The following SVOPL variants were observed in gnomAD, a reference collection of about 807,000 sequenced individuals.
SVOPL encodes the protein putative transporter SVOPL.
Under a neutral mutation model 61.0 loss-of-function variants are expected in SVOPL, and 60 were observed. The ratio of observed to expected loss-of-function variants is 0.98; its 90% CI spans 0.80 to 1.22. The LOEUF (loss-of-function observed/expected upper bound fraction) is 1.22, where lower values mean the gene tolerates loss of function less well. Ranked by LOEUF, SVOPL falls within the 50% of genes most tolerant of loss-of-function variation. The pLI, the probability that SVOPL is intolerant of heterozygous loss-of-function variation, is 0.00. For synonymous variants in SVOPL, 279 were observed against 250.0 expected (o/e 1.12, Z -1.09); for missense variants, 662 against 643.9 (o/e 1.03, Z -0.30).
intron 9 of SVOPL, among the ~76,000 whole-genome samples, chr7:138,634,078 G>T (rs575089198): frequency 5.9e-5 from 9 of 152,192 alleles, no homozygotes; most frequent in Admixed American, 4.6e-4. Context: ...CCCTAGCAAG[G>T]TTGTGTACTA....
At chr7:138,667,932 A>T (rs1802314594) in intron 4 of SVOPL, among the ~76,000 whole-genome samples, 1 of 152,236 alleles carries the variant, frequency 6.6e-6, no homozygotes, top group Non-Finnish European at 1.5e-5. Context: ...CTTCTTGGCT[A>T]GGACTAGACT....
At chr7:138,645,455 C>T (rs1318318256) in intron 8 of SVOPL, among the ~76,000 whole-genome samples, 1 of 152,162 alleles carries the variant, frequency 6.6e-6, no homozygotes, top group Non-Finnish European at 1.5e-5. Flanking sequence ...CAGCACCTGG[C>T]CCCACATTCC....
chr7:138,648,448 T>C (rs1355092760), intron 8 of SVOPL, among the ~76,000 whole-genome samples: 1 of 141,670 alleles, frequency 7.1e-6, no homozygotes, highest in Non-Finnish European at 1.5e-5. Context: ...TCTCTGCTAA[T>C]AATAGCACTT....
chr7:138,686,569 T>C (rs1382772566), intron 1 of SVOPL, among the ~76,000 whole-genome samples: 1 of 148,586 alleles, frequency 6.7e-6, no homozygotes, highest in Non-Finnish European at 1.5e-5. Flanking sequence ...TGGGTTTTTT[T>C]TTTTTTTTTT....
Position 138,646,360 on chromosome 7 carries a change from TAC to T in SVOPL, c.661-1517_661-1516del, listed in dbSNP as rs1187297061. ...CTTGATGTCTACAATATCACCTTCT[TAC>T]AGATTCATAGGTATGTGGCCAAAGG... On this transcript the variant is annotated intron_variant, in intron 8 of 15. Coordinates refer to ENST00000674285, the MANE Select transcript of SVOPL (RefSeq NM_001139456.2). 4 of 187,582 alleles carry T rather than the reference TAC, an allele frequency of 2.1e-5. No individual in the cohort carries two copies. The East Asian group carries it at 5.2e-4, about 25-fold the overall frequency. 11.6% of individuals were successfully genotyped at this position (187,582 alleles called of 1,614,324 possible).
chr7:138,595,371 A>G, intron 15 of SVOPL, among the ~76,000 whole-genome samples: 1 of 152,184 alleles, frequency 6.6e-6, no homozygotes, highest in Admixed American at 6.6e-5. Flanking sequence ...ACATGTAGCC[A>G]GTTAGCCCAG....
intron 9 of SVOPL, among the ~76,000 whole-genome samples, chr7:138,640,658 C>A (rs563016817): frequency 2.6e-5 from 4 of 152,230 alleles, no homozygotes; most frequent in Non-Finnish European, 5.9e-5. Flanking sequence ...AAAATTAATG[C>A]AGGAACAGAA....
chr7:138,626,373 T>C (rs1584798455), intron 12 of SVOPL, among the ~76,000 whole-genome samples: 1 of 151,364 alleles, frequency 6.6e-6, no homozygotes, highest in Admixed American at 6.6e-5. Context: ...AGGCCAGGAG[T>C]TCAAGACTAG....
chr7:138,621,814 G>GTCTC (rs1799578827), intron 13 of SVOPL, among the ~76,000 whole-genome samples: 1 of 43,152 alleles, frequency 2.3e-5, no homozygotes, highest in Non-Finnish European at 4.7e-5. Flanking sequence ...ATCTATCTAT[G>GTCTC]TATCTATGTA....
chr7:138,597,097 C>T, intron 14 of SVOPL: 1 of 1,253,626 alleles, frequency 8.0e-7, no homozygotes, highest in Non-Finnish European at 1.0e-6. Context: ...TCCATCTGTA[C>T]ACATGCTTTG....
At chr7:138,661,044 CTTT>C (rs1801979384) in intron 5 of SVOPL, 7 of 984,408 alleles carry the variant, frequency 7.1e-6, no homozygotes, top group Non-Finnish European at 7.2e-6. Context: ...CCTTTTTGTG[CTTT>C]TTTGAGATAC....
intron 3 of SVOPL, among the ~76,000 whole-genome samples, chr7:138,676,404 G>A (rs556260080): frequency 2.0e-5 from 3 of 152,314 alleles, no homozygotes; most frequent in Non-Finnish European, 2.9e-5. Flanking sequence ...AGGTTCTGCT[G>A]CCCGGAGAGG....
intron 15 of SVOPL, among the ~76,000 whole-genome samples, 198 bp downstream of exon 15, chr7:138,596,219 G>GGGAA (rs1379945373): frequency 2.0e-5 from 3 of 148,802 alleles, no homozygotes; most frequent in African/African-American, 7.3e-5. Flanking sequence ...AAAGAAAAGT[G>GGGAA]GGAAGGATAG....
chr7:138,622,078 C>CTATCTATGTATCTATCTATCTATGTATT (rs1563096122), intron 13 of SVOPL, among the ~76,000 whole-genome samples: 5 of 87,450 alleles, frequency 5.7e-5, no homozygotes, highest in African/African-American at 2.8e-4. Flanking sequence ...ATGTATCTAT[C>CTATCTATGTATCTATCTATCTATGTATT]TATCTATCTA....
intron 9 of SVOPL, among the ~76,000 whole-genome samples, chr7:138,642,755 A>G (rs1157159992): frequency 2.0e-5 from 3 of 150,476 alleles, no homozygotes; most frequent in Non-Finnish European, 4.4e-5. Flanking sequence ...ACTTGAACCC[A>G]GGAGGCAGAG....
chr7:138,611,506 T>C (rs1673221), intron 14 of SVOPL, among the ~76,000 whole-genome samples: 92,391 of 152,046 alleles, frequency 0.61, 29,237 homozygotes, highest in East Asian at 0.99. Context: ...AATAAGTTCA[T>C]GGCTTATTGG....
chr7:138,616,559 C>T (rs1799313379), intron 14 of SVOPL, among the ~76,000 whole-genome samples: 1 of 152,142 alleles, frequency 6.6e-6, no homozygotes, highest in Non-Finnish European at 1.5e-5. Flanking sequence ...TGGTCTCGAG[C>T]TCCTGACCTC....
At chr7:138,689,856 C>CAA (rs71520015) in intron 1 of SVOPL, among the ~76,000 whole-genome samples, 34,084 of 106,108 alleles carry the variant, frequency 0.32, 6,402 homozygotes, top group African/African-American at 0.55. Flanking sequence ...GACTCCGTCT[C>CAA]AAAAAAAAAA....
intron 8 of SVOPL, 40 bp downstream of exon 8, chr7:138,648,972 A>T (rs1801279378): frequency 6.2e-7 from 1 of 1,612,066 alleles, no homozygotes. Flanking sequence ...CTGGACCAGC[A>T]GGAGGAGGGG....
Sources: allele counts gnomAD v4.1 joint callset (sites outside exome capture counted in the v4.1 genomes callset), GRCh38; gene constraint gnomAD v4.1.1; transcripts MANE v1.5; gene names NCBI Gene and HGNC (gene_info 2026-07-23, HGNC 2026-07-21).